Variants in THSD7B observed in about 807,000 individuals in gnomAD.
THSD7B encodes thrombospondin type 1 domain containing 7B, also known as thrombospondin type-1 domain-containing protein 7B.
THSD7B carries 138 observed loss-of-function variants against 213.6 expected under a neutral mutation model. That is an observed-to-expected ratio of 0.65 (90% CI 0.56 to 0.74). The LOEUF (loss-of-function observed/expected upper bound fraction) is 0.74, where lower values mean the gene tolerates loss of function less well. THSD7B is among the 30% of genes least tolerant of loss of function. The pLI is 0.00. For missense variants in THSD7B, 1,931 were observed against 1,991.5 expected, an observed-to-expected ratio of 0.97 and a Z score of 0.58; for synonymous variants, 742 against 687.0, an observed-to-expected ratio of 1.08 and a Z score of -1.25.
intron 12 of THSD7B, among the ~76,000 whole-genome samples, chr2:137,293,631 A>G (rs16838663): frequency 0.051 from 7,725 of 152,092 alleles, 469 homozygotes; most frequent in African/African-American, 0.14. Flanking sequence ...TGTTATTCCA[A>G]TATTCTGTAT....
At chr2:137,011,997 G>A (rs1308514836) in intron 2 of THSD7B, among the ~76,000 whole-genome samples, 1 of 152,096 alleles carries the variant, frequency 6.6e-6, no homozygotes, top group Non-Finnish European at 1.5e-5. Context: ...CGTGGAATAA[G>A]GACACTCATT....
chr2:136,887,742 C>T (rs1002782114), intron 2 of THSD7B, among the ~76,000 whole-genome samples: 2 of 152,028 alleles, frequency 1.3e-5, no homozygotes, highest in African/African-American at 4.8e-5. Context: ...TATAAATTAC[C>T]TAGTCTTGGG....
intron 12 of THSD7B, among the ~76,000 whole-genome samples, chr2:137,390,725 G>C (rs573343020): frequency 3.3e-5 from 5 of 152,120 alleles, no homozygotes; most frequent in African/African-American, 7.2e-5. Flanking sequence ...CTAATGTGTT[G>C]AGAGTTTTTA....
intron 14 of THSD7B, among the ~76,000 whole-genome samples, chr2:137,431,246 T>A (rs879603037): frequency 6.6e-6 from 1 of 152,140 alleles, no homozygotes; most frequent in Non-Finnish European, 1.5e-5. Context: ...AGGCTATAGG[T>A]AAATTTAAAC....
At chr2:137,044,337 G>A (rs1686932496) in intron 2 of THSD7B, among the ~76,000 whole-genome samples, 1 of 152,218 alleles carries the variant, frequency 6.6e-6, no homozygotes, top group African/African-American at 2.4e-5. Flanking sequence ...TCTTTGTAAG[G>A]CTGCTTTGAG....
intron 12 of THSD7B, among the ~76,000 whole-genome samples, chr2:137,283,317 G>A (rs573700109): frequency 1.3e-5 from 2 of 152,164 alleles, no homozygotes; most frequent in African/African-American, 2.4e-5. Flanking sequence ...GAGATGATGG[G>A]GTTTTCTAGT....
intron 2 of THSD7B, among the ~76,000 whole-genome samples, chr2:137,034,539 A>G (rs1426801417): frequency 1.3e-5 from 2 of 152,058 alleles, no homozygotes; most frequent in Non-Finnish European, 2.9e-5. Context: ...CTAGGTTTTA[A>G]GCCCTGCATG....
At chr2:136,832,216 T>C (rs963245942) in intron 1 of THSD7B, among the ~76,000 whole-genome samples, 2 of 144,636 alleles carry the variant, frequency 1.4e-5, no homozygotes, top group South Asian at 2.2e-4. Flanking sequence ...CACACACACA[T>C]ATATACAATT....
intron 1 of THSD7B, among the ~76,000 whole-genome samples, chr2:136,790,119 TTG>T (rs34366029): frequency 0.047 from 6,957 of 147,736 alleles, 488 homozygotes; most frequent in African/African-American, 0.15. Flanking sequence ...GTGTGTGTGT[TTG>T]TGTGTGTGTG....
At chr2:136,879,149 C>T (rs1484870690) in intron 1 of THSD7B, among the ~76,000 whole-genome samples, 1 of 152,152 alleles carries the variant, frequency 6.6e-6, no homozygotes, top group Admixed American at 6.5e-5. Flanking sequence ...AGCCAGTTTT[C>T]CCAGCACCAT....
At chr2:137,091,980 A>G (rs13015718) in intron 3 of THSD7B, among the ~76,000 whole-genome samples, 18,086 of 152,160 alleles carry the variant, frequency 0.12, 1,703 homozygotes, top group African/African-American at 0.27. Context: ...TTTCTGTATT[A>G]GATGAGACAT....
chr2:137,323,721 G>A (rs1471722634), intron 12 of THSD7B, among the ~76,000 whole-genome samples: 1 of 152,122 alleles, frequency 6.6e-6, no homozygotes, highest in Non-Finnish European at 1.5e-5. Flanking sequence ...TGACAAATTT[G>A]TCTATAAGCC....
At chr2:137,200,743 C>T (rs1486933822) in intron 7 of THSD7B, among the ~76,000 whole-genome samples, 1 of 152,080 alleles carries the variant, frequency 6.6e-6, no homozygotes, top group Admixed American at 6.5e-5. Flanking sequence ...CAGCCTCCAA[C>T]TCCCAGGCTC....
chr2:137,570,003 TA>T (rs1384383413), intron 16 of THSD7B, among the ~76,000 whole-genome samples: 2 of 151,804 alleles, frequency 1.3e-5, no homozygotes, highest in African/African-American at 4.8e-5. Context: ...TTCCAGTTTT[TA>T]TTTTTTTTTT....
At chr2:137,073,599 A>T (rs1337469746) in intron 3 of THSD7B, among the ~76,000 whole-genome samples, 2 of 151,996 alleles carry the variant, frequency 1.3e-5, no homozygotes, top group African/African-American at 4.8e-5. Flanking sequence ...TTCTGCTCTG[A>T]TGTTAGTTAT....
chr2:137,620,774 A>G (rs770345772), intron 20 of THSD7B, 48 bp downstream of exon 20: 1 of 1,447,172 alleles, frequency 6.9e-7, no homozygotes, highest in Admixed American at 1.7e-5. Context: ...GTTTCTAAAT[A>G]TCATTCAGTA....
At chr2:137,132,682 G>T (rs62172310) in intron 5 of THSD7B, among the ~76,000 whole-genome samples, 1 of 152,016 alleles carries the variant, frequency 6.6e-6, no homozygotes, top group African/African-American at 2.4e-5. Context: ...AAAGGAATTC[G>T]ATTGATTGTC....
chr2:137,400,861 A>G (rs993623769), intron 12 of THSD7B, among the ~76,000 whole-genome samples: 2 of 152,000 alleles, frequency 1.3e-5, no homozygotes, highest in Non-Finnish European at 2.9e-5. Context: ...GGAGCAGGGG[A>G]AGAAGGTAGG....
chr2:136,849,127 A>C (rs1573667799), intron 1 of THSD7B, among the ~76,000 whole-genome samples: 1 of 152,172 alleles, frequency 6.6e-6, no homozygotes, highest in Non-Finnish European at 1.5e-5. Flanking sequence ...TGTAAAACAC[A>C]TCCCCTTACC....
Sources: gnomAD v4.1 joint callset for allele counts (sites outside exome capture counted in the v4.1 genomes callset) on GRCh38, gnomAD v4.1.1 for gene constraint, MANE v1.5 for transcripts, NCBI Gene and HGNC (gene_info 2026-07-23, HGNC 2026-07-21) for gene names.